MBP: variants seen among roughly 807,000 people sequenced by gnomAD.
MBP encodes myelin basic protein.
In MBP, 16 loss-of-function variants were observed where a neutral mutation model predicts 35.8. The ratio of observed to expected loss-of-function variants is 0.45; its 90% CI spans 0.30 to 0.68. The LOEUF is 0.68. Among genes scored for constraint, MBP ranks in the 30% least tolerant of loss-of-function variants. The pLI is 0.08. For synonymous variants in MBP, 143 were observed against 159.6 expected, an observed-to-expected ratio of 0.90 and a Z score of 0.78; for missense variants, 380 against 404.7, an observed-to-expected ratio of 0.94 and a Z score of 0.52.
intron 4 of MBP, among the ~76,000 whole-genome samples, chr18:77,007,109 C>T (rs1039492424): frequency 3.3e-5 from 5 of 152,238 alleles, no homozygotes; most frequent in African/African-American, 7.2e-5. Flanking sequence ...TGGGAGCTGA[C>T]TTCAAGGGTC....
chr18:77,007,765 A>G (rs1288757052), intron 4 of MBP, among the ~76,000 whole-genome samples: 1 of 151,894 alleles, frequency 6.6e-6, no homozygotes, highest in Admixed American at 6.5e-5. Context: ...ACTTTTAACC[A>G]CCTTTCCGCG....
Position 77,086,877 on chromosome 18 carries a change from GC to G in MBP, c.51+18333del, listed in dbSNP as rs1278466995. Among the ~76,000 whole-genome samples the G allele has an allele frequency of 2.6e-5, 4 of 152,196 alleles. No homozygotes were observed. The East Asian group carries it at 7.7e-4, about 29-fold the overall frequency. On this transcript the variant is annotated intron_variant, in intron 2 of 8. Transcript: ENST00000355994. ...CTTAAGAACAGCTCGTCAAAAGGAA[GC>G]AGTATACGCTCCTCTAATGTTCTCC...
chr18:77,016,867 C>T lies in MBP; in HGVS notation c.541G>A (p.Gly181Ser), dbSNP rs61742988. 0.026 allele frequency: 42,733 copies of T among 1,614,206 alleles called. 745 individuals carry two copies. Among genetic ancestry groups the T allele is most frequent in the South Asian group, 0.068 (6,177 of 91,074 alleles). The change falls in exon 4 of 9, where the codon GGT (glycine) becomes AGT (serine). Residue 181 changes from glycine (G) to serine (S), a missense_variant. Physicochemically the swap from Gly to Ser is moderately conservative, Grantham distance 56. Coordinates refer to ENST00000355994, the MANE Select transcript of MBP (RefSeq NM_001025101.2). ...CCCCGCTTGGGCGCACCCCTGTCAC[C>T]GCCAAAGAAGCGCCCGATGGAGTCA... ...ILDSIGRFFG[G>S]DRGAPKRGSG...
chr18:77,087,515 C>G (rs1200542878), intron 2 of MBP: 1 of 152,328 alleles, frequency 6.6e-6, no homozygotes, highest in Non-Finnish European at 1.5e-5. Context: ...AGCCAAAGCG[C>G]AGAGGCCTCC....
chr18:76,989,173 G>C lies in MBP; in HGVS notation c.682-261C>G. On this transcript the variant is annotated intron_variant, in intron 5 of 8. Coordinates refer to ENST00000355994, the MANE Select transcript of MBP (RefSeq NM_001025101.2). The surrounding 1 kb of genome is among the most constrained non-coding windows in gnomAD (Gnocchi z 4.0). ...CACCTCCCAGAGGCTCCGTAGCTGG[G>C]GAATGGGCCCATCTTGGGACACTGA... 1.5e-6 allele frequency: 1 copy of C among 656,156 alleles called. No homozygotes were observed. The allele number at this position is 656,156 out of a possible 1,614,324, so 40.6% of individuals were successfully genotyped here.
intron 3 of MBP, among the ~76,000 whole-genome samples, chr18:77,041,425 T>C (rs1972984523): frequency 6.6e-6 from 1 of 152,178 alleles, no homozygotes; most frequent in African/African-American, 2.4e-5. Flanking sequence ...ATCCCATTAC[T>C]GGGTATATAC....
In MBP at chr18:77,008,718, G is replaced by A. The variant is rs376969286; in HGVS notation, c.576+8114C>T. Among the ~76,000 whole-genome samples, 8 of 152,326 alleles carry A rather than the reference G, an allele frequency of 5.3e-5. 2 individuals carry two copies. The highest frequency in any genetic ancestry group is 2.1e-4 in the South Asian group (1 of 4,824). ...AGCCACTGCCTGGACTGGCCATCCC[G>A]GGGCCAGCAGGCACATCCTCATTCC... is the stretch of plus-strand genomic sequence containing the variant. On this transcript the variant is annotated intron_variant, in intron 4 of 8. Transcript: ENST00000355994.
rs576584886 is a variant in MBP at position 77,115,367 on chromosome 18, A to G, written c.-25-10081T>C. ...TGCAGGGAACAAATGTGTTGGCCCCATGCTCAGGCCATGCGTACACATAAG... is the reference window on the plus strand; with the variant it reads ...TGCAGGGAACAAATGTGTTGGCCCCGTGCTCAGGCCATGCGTACACATAAG... On this transcript the variant is annotated intron_variant, in intron 1 of 8. Coordinates refer to ENST00000355994, the MANE Select transcript of MBP (RefSeq NM_001025101.2). The G allele has an allele frequency of 3.9e-5, 6 of 152,384 alleles. No individual in the cohort carries two copies. In the South Asian group the frequency reaches 1.2e-3, roughly 32 times the overall value. 9.4% of individuals were successfully genotyped at this position (152,384 alleles called of 1,614,324 possible).
intron 3 of MBP, among the ~76,000 whole-genome samples, chr18:77,049,166 A>G (rs916317823): frequency 6.6e-6 from 1 of 151,778 alleles, no homozygotes; most frequent in Admixed American, 6.6e-5. Flanking sequence ...TGATCCGCCC[A>G]CCTCGGCCTT....
chr18:77,109,873 T>C (rs990688994), intron 1 of MBP: 1 of 152,260 alleles, frequency 6.6e-6, no homozygotes, highest in Non-Finnish European at 1.5e-5. Context: ...CAGATCACGC[T>C]TGTGTTACTT....
intron 4 of MBP, among the ~76,000 whole-genome samples, chr18:77,007,458 C>T (rs1005567238): frequency 7.8e-4 from 118 of 152,218 alleles, no homozygotes; most frequent in African/African-American, 2.7e-3. Flanking sequence ...CCAGGCATCG[C>T]CGGCCCCTGC....
intron 3 of MBP, among the ~76,000 whole-genome samples, chr18:77,053,845 C>T (rs1360476708): frequency 1.3e-5 from 2 of 152,236 alleles, no homozygotes; most frequent in Non-Finnish European, 2.9e-5. Context: ...GATATCTCAG[C>T]GAACAAAACA....
intron 2 of MBP, among the ~76,000 whole-genome samples, chr18:77,070,372 C>A (rs1974391829): frequency 6.6e-6 from 1 of 152,184 alleles, no homozygotes; most frequent in Admixed American, 6.5e-5. Flanking sequence ...TGGGAGCTGA[C>A]CTATGTAAGA....
At chr18:77,083,099 G>C (rs139639664) in intron 2 of MBP, among the ~76,000 whole-genome samples, 1 of 151,778 alleles carries the variant, frequency 6.6e-6, no homozygotes, top group African/African-American at 2.4e-5. Context: ...TCAGCCCCCC[G>C]AGTAGCTGGG....
intron 2 of MBP, among the ~76,000 whole-genome samples, chr18:77,067,990 G>C (rs1974267915): frequency 1.3e-5 from 2 of 151,516 alleles, no homozygotes; most frequent in South Asian, 2.1e-4. Context: ...TGGTCACTAA[G>C]AGCCCTATCT....
chr18:77,068,826 C>T (rs1974313307), intron 2 of MBP, among the ~76,000 whole-genome samples: 2 of 151,518 alleles, frequency 1.3e-5, no homozygotes, highest in South Asian at 4.2e-4. Context: ...AGAAAACAAA[C>T]TGATGTCTGG....
intron 4 of MBP, chr18:77,013,873 G>A (rs991438482): frequency 7.1e-6 from 7 of 985,286 alleles, no homozygotes; most frequent in South Asian, 4.7e-5. Context: ...AGGAAGGAAC[G>A]GTTTCCAAAG....
At chr18:77,059,125 A>T (rs953735036) in intron 3 of MBP, among the ~76,000 whole-genome samples, 5 of 152,374 alleles carry the variant, frequency 3.3e-5, no homozygotes, top group African/African-American at 1.2e-4. Flanking sequence ...ATTAAAAGAA[A>T]GAAAAAACCC....
chr18:77,063,321 C>T (rs1599168263), intron 3 of MBP, among the ~76,000 whole-genome samples: 1 of 152,148 alleles, frequency 6.6e-6, no homozygotes, highest in East Asian at 1.9e-4. Flanking sequence ...GTTCAACAGG[C>T]CCTTCCAGGT....
Sources: gnomAD v4.1 joint callset for allele counts (sites outside exome capture counted in the v4.1 genomes callset) on GRCh38, gnomAD v4.1.1 for gene constraint, Gnocchi (gnomAD v3.1) non-coding constraint, MANE v1.5 for transcripts, NCBI Gene and HGNC (gene_info 2026-07-23, HGNC 2026-07-21) for gene names.